Variants in SCG5 observed in about 807,000 individuals in gnomAD.
The protein encoded by SCG5 is secretogranin V.
In SCG5, 18 loss-of-function variants were observed where a neutral mutation model predicts 25.7. The observed-to-expected ratio is 0.70, with a 90% confidence interval of 0.48 to 1.04. The LOEUF (loss-of-function observed/expected upper bound fraction) is 1.04. Among genes scored for constraint, SCG5 ranks in the 50% least tolerant of loss-of-function variants. SCG5 has a pLI of 0.00. For missense variants in SCG5, 206 were observed against 259.8 expected (o/e 0.79, Z 1.42); for synonymous variants, 101 against 91.7 (o/e 1.10, Z -0.58).
intron 2 of SCG5, among the ~76,000 whole-genome samples, chr15:32,662,509 TTTG>T (rs1372965379): frequency 4.0e-5 from 6 of 151,804 alleles, no homozygotes; most frequent in African/African-American, 7.2e-5. Flanking sequence ...CTCTGAAATA[TTTG>T]TTAATACGAT....
At chr15:32,663,594 C>A (rs1396320126) in intron 2 of SCG5, among the ~76,000 whole-genome samples, 1 of 152,164 alleles carries the variant, frequency 6.6e-6, no homozygotes, top group Admixed American at 6.5e-5. Flanking sequence ...CCTGGTGGAT[C>A]ATCAGAATTA....
chr15:32,690,610 G>A (rs2054833443), intron 4 of SCG5, among the ~76,000 whole-genome samples: 1 of 152,208 alleles, frequency 6.6e-6, no homozygotes, highest in Non-Finnish European at 1.5e-5. Flanking sequence ...GCATAGTTGA[G>A]GTTGGGCAAG....
At position 32,678,939 on chromosome 15, in the gene SCG5, T is replaced by C. The variant is rs146955676; in HGVS notation, c.227-827T>C. On this transcript the variant is annotated intron_variant, in intron 2 of 5. Transcript: ENST00000300175. The stretch of plus-strand genomic sequence containing the variant: ...GTATAAAAAGATACGTAGCAACAAT[T>C]GGAGTCAATACACCAAATTTTAAGT... Among the ~76,000 whole-genome samples, 273 of 152,340 alleles carry C rather than the reference T, an allele frequency of 1.8e-3. 1 individual carries two copies. Among genetic ancestry groups the C allele is most frequent in the Middle Eastern group, 0.014 (4 of 294 alleles).
intron 4 of SCG5, among the ~76,000 whole-genome samples, chr15:32,685,910 T>C (rs1250467307): frequency 6.6e-6 from 1 of 152,250 alleles, no homozygotes; most frequent in Non-Finnish European, 1.5e-5. Context: ...ATGGCCTTGC[T>C]TACTGCTTTA....
chr15:32,673,064 C>T (rs2054465280), intron 2 of SCG5: 1 of 152,180 alleles, frequency 6.6e-6, no homozygotes, highest in Admixed American at 6.5e-5. Context: ...CATCATCAGG[C>T]TCTCCAACGG....
chr15:32,683,820 G>A (rs766558784), intron 3 of SCG5, among the ~76,000 whole-genome samples: 1 of 152,214 alleles, frequency 6.6e-6, no homozygotes, highest in African/African-American at 2.4e-5. Flanking sequence ...ATCAAGTGCT[G>A]TGTGGAGATT....
chr15:32,643,788 A>C lies in SCG5; in HGVS notation c.196A>C (p.Met66Leu). 2.5e-6 allele frequency: 4 copies of C among 1,613,862 alleles called. No individual in the cohort carries two copies. In the South Asian group the frequency reaches 4.4e-5, roughly 18 times the overall value. Residue 66 changes from methionine to leucine, a missense_variant, in exon 2 of 6, where the codon ATG (methionine) becomes CTG (leucine). Met to Leu is a conservative substitution (Grantham distance 15). Coordinates refer to ENST00000300175, the MANE Select transcript of SCG5 (RefSeq NM_001144757.3). ...AGTGGAATATCCAGCTCACCAGGCCATGAATCTTGTGGGCCCCCAGAGCAT... is the reference window on the plus strand; with the variant it reads ...AGTGGAATATCCAGCTCACCAGGCCCTGAATCTTGTGGGCCCCCAGAGCAT... ...PRVEYPAHQA[M>L]NLVGPQSIEG...
chr15:32,663,189 A>G (rs895577917), intron 2 of SCG5, among the ~76,000 whole-genome samples: 3 of 151,112 alleles, frequency 2.0e-5, no homozygotes, highest in African/African-American at 7.3e-5. Context: ...ATACAATTCA[A>G]CAATTTAAAG....
intron 2 of SCG5, among the ~76,000 whole-genome samples, chr15:32,649,932 C>T (rs1041214179): frequency 7.9e-5 from 12 of 152,068 alleles, no homozygotes; most frequent in Admixed American, 3.3e-4. Context: ...TTGTCTGGTT[C>T]GAGTTGGTGT....
At chr15:32,647,835 C>T (rs897681951) in intron 2 of SCG5, among the ~76,000 whole-genome samples, 2 of 151,972 alleles carry the variant, frequency 1.3e-5, no homozygotes, top group Non-Finnish European at 2.9e-5. Context: ...TTTCTTTACC[C>T]ATTTGTTAGT....
intron 2 of SCG5, among the ~76,000 whole-genome samples, chr15:32,645,632 T>C (rs1296670553): frequency 6.6e-6 from 1 of 151,906 alleles, no homozygotes; most frequent in Non-Finnish European, 1.5e-5. Context: ...TTGACCTGGG[T>C]TTTGAAGTTT....
chr15:32,660,506 G>A (rs934822327), intron 2 of SCG5, among the ~76,000 whole-genome samples: 5 of 152,202 alleles, frequency 3.3e-5, no homozygotes, highest in Non-Finnish European at 7.3e-5. Flanking sequence ...TTCTGATGGA[G>A]AAGCAGTAAG....
chr15:32,661,664 A>C (rs1189912057), intron 2 of SCG5, among the ~76,000 whole-genome samples: 5 of 152,134 alleles, frequency 3.3e-5, no homozygotes, highest in African/African-American at 1.2e-4. Flanking sequence ...ACATTGTCAA[A>C]TGTCCTCTGA....
At chr15:32,649,146 T>C (rs1355979034) in intron 2 of SCG5, among the ~76,000 whole-genome samples, 1 of 152,168 alleles carries the variant, frequency 6.6e-6, no homozygotes, top group Non-Finnish European at 1.5e-5. Flanking sequence ...GAATGTAAGC[T>C]CCATGAGGCT....
At chr15:32,653,842 C>T (rs1028364941) in intron 2 of SCG5, among the ~76,000 whole-genome samples, 3 of 152,126 alleles carry the variant, frequency 2.0e-5, no homozygotes, top group African/African-American at 7.2e-5. Flanking sequence ...CTTATGATCA[C>T]ACAACTGGGT....
chr15:32,692,109 G>T, intron 5 of SCG5: 1 of 1,130,830 alleles, frequency 8.8e-7, no homozygotes, highest in Non-Finnish European at 1.1e-6. Context: ...TAGGCCAGTG[G>T]GGAAAAACTG....
At chr15:32,674,478 G>T (rs184144877) in intron 2 of SCG5, among the ~76,000 whole-genome samples, 138 of 152,240 alleles carry the variant, frequency 9.1e-4, no homozygotes, top group Non-Finnish European at 1.6e-3. Flanking sequence ...GGGTCAGAAG[G>T]TATTTAATTT....
intron 2 of SCG5, chr15:32,673,085 T>C (rs1477008956): frequency 6.6e-6 from 1 of 152,192 alleles, no homozygotes; most frequent in Non-Finnish European, 1.5e-5. Flanking sequence ...ACATCGCTTA[T>C]ACTATGAGAA....
chr15:32,679,509 A>T (rs1017226989), intron 2 of SCG5, among the ~76,000 whole-genome samples: 1 of 152,072 alleles, frequency 6.6e-6, no homozygotes, highest in Non-Finnish European at 1.5e-5. Context: ...CCCCTTTCCC[A>T]TGCTCTTGTG....
Sources: gnomAD v4.1 joint callset for allele counts (sites outside exome capture counted in the v4.1 genomes callset) on GRCh38, gnomAD v4.1.1 for gene constraint, MANE v1.5 for transcripts, NCBI Gene and HGNC (gene_info 2026-07-23, HGNC 2026-07-21) for gene names.